MACF1: variants seen among roughly 807,000 people sequenced by gnomAD.
MACF1 encodes microtubule-actin cross-linking factor 1.
Under a neutral mutation model 854.8 loss-of-function variants are expected in MACF1, and 193 were observed. The ratio of observed to expected loss-of-function variants is 0.23; its 90% confidence interval spans 0.20 to 0.25. The LOEUF (loss-of-function observed/expected upper bound fraction) is 0.25. Ranked by LOEUF, MACF1 falls within the 10% of genes least tolerant of loss-of-function variation. The pLI is 1.00. For synonymous variants in MACF1, 3,185 were observed against 3,226.7 expected (o/e 0.99, Z 0.44); for missense variants, 7,722 against 8,929.1 (o/e 0.86, Z 5.45).
intron 2 of MACF1, among the ~76,000 whole-genome samples, chr1:39,137,892 G>A (rs889376091): frequency 1.3e-5 from 2 of 151,764 alleles, no homozygotes; most frequent in African/African-American, 4.8e-5. Flanking sequence ...TGGCCAACAT[G>A]GAGAAACCCC....
chr1:39,183,879 T>A (rs1644134936), intron 2 of MACF1, among the ~76,000 whole-genome samples: 1 of 152,208 alleles, frequency 6.6e-6, no homozygotes, highest in African/African-American at 2.4e-5. Flanking sequence ...CCCACAGGAT[T>A]ACCAAAGAAT....
chr1:39,432,209 G>A (rs956198377), intron 66 of MACF1, among the ~76,000 whole-genome samples: 15 of 152,312 alleles, frequency 9.8e-5, no homozygotes, highest in Middle Eastern at 3.4e-3. Context: ...CCATGTCTGG[G>A]TAGGAAAGAG....
chr1:39,257,818 A>AG (rs2148342144), intron 5 of MACF1, 118 bp from the exon 6 acceptor site: 1 of 726,744 alleles, frequency 1.4e-6, no homozygotes, highest in South Asian at 1.8e-5. Context: ...TAAAACTCAT[A>AG]GAACTGTACA....
Position 39,404,360 on chromosome 1 carries a change from A to G in MACF1, c.15816+15702A>G, listed in dbSNP as rs187835234. Among the ~76,000 whole-genome samples the G allele has an allele frequency of 3.0e-3, 449 of 151,996 alleles. 1 individual carries two copies. Among genetic ancestry groups the G allele is most frequent in the African/African-American group, 0.01 (433 of 41,430 alleles). The stretch of plus-strand genomic sequence containing the variant: ...GTGGTGCACACCTGTCATCCCAGCT[A>G]CTTGGGAGGCTGAGGCAGGAGAATC... On this transcript the variant is annotated intron_variant, in intron 58 of 100. Transcript: ENST00000564288.
chr1:39,437,696 T>TA (rs1390219959), intron 70 of MACF1, 81 bp from the exon 71 acceptor site: 1 of 1,059,152 alleles, frequency 9.4e-7, no homozygotes, highest in Non-Finnish European at 1.5e-6. Context: ...AGTAGGATAA[T>TA]ATCTTGTCCT....
At chr1:39,435,880 G>A (rs926636309) in intron 70 of MACF1, 119 bp downstream of exon 70, 11 of 812,418 alleles carry the variant, frequency 1.4e-5, no homozygotes, top group Non-Finnish European at 2.0e-5. Flanking sequence ...ATACGTGATC[G>A]GTAGATAGAA....
chr1:39,328,400 AAAAG>A (rs1484423132), intron 36 of MACF1: 5 of 152,206 alleles, frequency 3.3e-5, no homozygotes, highest in African/African-American at 7.2e-5. Context: ...AAAAAAGAAA[AAAAG>A]AAAGACAGGA....
chr1:39,282,093 A>T, intron 6 of MACF1, 115 bp from the exon 7 acceptor site: 1 of 989,528 alleles, frequency 1.0e-6, no homozygotes, highest in Non-Finnish European at 1.5e-6. Flanking sequence ...AGTCCTCTAA[A>T]GTGCTTCCAG....
intron 56 of MACF1, among the ~76,000 whole-genome samples, chr1:39,385,107 G>T (rs1366376212): frequency 6.6e-6 from 1 of 152,132 alleles, no homozygotes; most frequent in Non-Finnish European, 1.5e-5. Flanking sequence ...TCACTCTGTT[G>T]CCCAGGCTGG....
intron 52 of MACF1, among the ~76,000 whole-genome samples, chr1:39,376,916 A>G (rs1468060771): frequency 6.6e-6 from 1 of 151,834 alleles, no homozygotes; most frequent in Non-Finnish European, 1.5e-5. Context: ...TTGTAGAGAC[A>G]GGGTCTCGTG....
In MACF1 at chr1:39,395,326, A is replaced by T. The variant is rs542942224; in HGVS notation, c.15816+6668A>T. Among the ~76,000 whole-genome samples, 3 of 152,374 alleles carry T rather than the reference A, an allele frequency of 2.0e-5. No individual in the cohort carries two copies. In the South Asian group the frequency reaches 6.2e-4, roughly 32 times the overall value. The stretch of plus-strand genomic sequence containing the variant: ...ATGGGAAACTTAGAATTCAGGTGGA[A>T]TAGGTTACTAGTTAAATATTTATGT... On this transcript the variant is annotated intron_variant, in intron 58 of 100. Coordinates refer to ENST00000564288, the MANE Select transcript of MACF1 (RefSeq NM_001394062.1).
Position 39,431,648 on chromosome 1 carries a change from T to G in MACF1, c.17337+740T>G, listed in dbSNP as rs79902895. ...GCGTATTTTTAAATGTAAGTGTATA[T>G]TGGCCAAGTTGAAGAGGAAGAGATA... On this transcript the variant is annotated intron_variant, in intron 66 of 100. Transcript: ENST00000564288. 7.2e-3 allele frequency among the ~76,000 whole-genome samples: 1,101 copies of G among 152,176 alleles called. 13 individuals are homozygous for G. The highest frequency in any genetic ancestry group is 0.025 in the African/African-American group (1,018 of 41,524).
At chr1:39,232,518 G>T (rs774434037) in intron 2 of MACF1, among the ~76,000 whole-genome samples, 1 of 152,012 alleles carries the variant, frequency 6.6e-6, no homozygotes, top group Non-Finnish European at 1.5e-5. Context: ...ACTCTTCCAT[G>T]ATGGTGTTCC....
At chr1:39,149,164 AG>A (rs1187881453) in intron 2 of MACF1, among the ~76,000 whole-genome samples, 1 of 152,090 alleles carries the variant, frequency 6.6e-6, no homozygotes, top group East Asian at 1.9e-4. Context: ...TGACTGGGAG[AG>A]GTATTTGCAG....
intron 58 of MACF1, among the ~76,000 whole-genome samples, chr1:39,389,896 C>A (rs994011590): frequency 2.0e-5 from 3 of 152,198 alleles, no homozygotes; most frequent in African/African-American, 4.8e-5. Flanking sequence ...AGTACAAGTT[C>A]TTTGCCTATA....
Position 39,346,541 on chromosome 1 carries a change from A to G in MACF1, c.10582-436A>G, listed in dbSNP as rs563719576. 2.0e-3 allele frequency among the ~76,000 whole-genome samples: 283 copies of G among 139,034 alleles called. 2 individuals are homozygous for G. Among genetic ancestry groups the G allele is most frequent in the African/African-American group, 6.7e-3 (246 of 36,842 alleles). The allele number at this position is 139,034 out of a possible 152,430, so 91.2% of individuals were successfully genotyped here. A position where few individuals can be genotyped will look rare whatever the true frequency, so the allele number is the denominator to read the frequency against. On this transcript the variant is annotated intron_variant, in intron 40 of 100. Transcript: ENST00000564288. ...AGAGACTTTTTTTTTTTTTTTTGAGATGGAGTCTCGCTCTGTCACCCAGGC... is the reference window on the plus strand; with the variant it reads ...AGAGACTTTTTTTTTTTTTTTTGAGGTGGAGTCTCGCTCTGTCACCCAGGC...
At chr1:39,404,876 A>G (rs986331615) in intron 58 of MACF1, among the ~76,000 whole-genome samples, 2 of 152,052 alleles carry the variant, frequency 1.3e-5, no homozygotes, top group Non-Finnish European at 2.9e-5. Context: ...TAATGAGTAA[A>G]TGTGATTCCC....
chr1:39,138,275 C>G (rs1643234638), intron 2 of MACF1, among the ~76,000 whole-genome samples: 1 of 151,932 alleles, frequency 6.6e-6, no homozygotes, highest in African/African-American at 2.4e-5. Context: ...GAGGTCCTAA[C>G]AAACACTTGA....
Position 39,424,106 on chromosome 1 carries a change from G to T in MACF1, c.16228G>T (p.Ala5410Ser). ...QAEGGRIAQSAELADREKITG... is the reference protein window; with the variant it reads ...QAEGGRIAQSSELADREKITG... Reference sequence around the variant, plus strand: ...AGAAGGAGGCAGAATAGCCCAGTCAGCAGAGCTGGCTGATAGAGAGAAAAT... The same window carrying T: ...AGAAGGAGGCAGAATAGCCCAGTCATCAGAGCTGGCTGATAGAGAGAAAAT... The change falls in exon 61 of 101, where the codon GCA (alanine) becomes TCA (serine). Residue 5410 changes from alanine to serine, a missense_variant. By Grantham distance (99) the Ala-to-Ser change is moderately conservative. This residue lies in a region of MACF1 where 2,807 missense variants were observed against 3,235.8 expected (regional missense o/e 0.87). Transcript: ENST00000564288. The T allele has an allele frequency of 6.2e-7, 1 of 1,613,108 alleles. No individual in the cohort carries two copies. Among genetic ancestry groups the T allele is most frequent in the Non-Finnish European group, 8.5e-7 (1 of 1,179,862 alleles).
Sources: gnomAD v4.1 joint callset for allele counts (sites outside exome capture counted in the v4.1 genomes callset) on GRCh38, gnomAD v4.1.1 for gene constraint, gnomAD v4.1.1 regional missense constraint, MANE v1.5 for transcripts, NCBI Gene and HGNC (gene_info 2026-07-23, HGNC 2026-07-21) for gene names.